The following DAB1 variants were observed in gnomAD, a reference collection of about 807,000 sequenced individuals.
The protein encoded by DAB1 is disabled homolog 1.
In DAB1, 15 loss-of-function variants were observed where a neutral mutation model predicts 64.6. The observed-to-expected ratio is 0.23, with a 90% CI of 0.16 to 0.36. The LOEUF is 0.36. Ranked by LOEUF, DAB1 falls within the 10% of genes least tolerant of loss-of-function variation. The pLI is 1.00. For missense variants in DAB1, 596 were observed against 706.7 expected (o/e 0.84, Z 1.78); for synonymous variants, 235 against 251.9 (o/e 0.93, Z 0.64).
At chr1:57,116,124 C>T (rs17115064) in intron 4 of DAB1, among the ~76,000 whole-genome samples, 3,257 of 152,174 alleles carry the variant, frequency 0.021, 129 homozygotes, top group African/African-American at 0.075. Context: ...TGGGGACACG[C>T]TTCTCATCTT....
intron 4 of DAB1, among the ~76,000 whole-genome samples, chr1:58,247,510 G>A (rs1024011382): frequency 2.0e-5 from 3 of 152,098 alleles, no homozygotes; most frequent in African/African-American, 7.2e-5. Flanking sequence ...GGAGTCTCCA[G>A]TCATGGATGA....
chr1:58,269,093 C>A (rs1661247586), intron 4 of DAB1, among the ~76,000 whole-genome samples: 1 of 150,584 alleles, frequency 6.6e-6, no homozygotes, highest in Non-Finnish European at 1.5e-5. Context: ...ATACATGTGC[C>A]ATGCTGGTGC....
intron 1 of DAB1, among the ~76,000 whole-genome samples, chr1:57,870,757 T>C (rs1291463413): frequency 6.6e-6 from 1 of 152,054 alleles, no homozygotes; most frequent in Admixed American, 6.6e-5. Context: ...TAATCTGGAA[T>C]GAATGGGGAA....
At chr1:57,206,465 C>T (rs1020949858) in intron 2 of DAB1, among the ~76,000 whole-genome samples, 1 of 152,202 alleles carries the variant, frequency 6.6e-6, no homozygotes, top group African/African-American at 2.4e-5. Context: ...TGACCTAACA[C>T]CACTGGGCTT....
At chr1:58,189,085 A>C (rs1173298618) in intron 4 of DAB1, among the ~76,000 whole-genome samples, 1 of 152,192 alleles carries the variant, frequency 6.6e-6, no homozygotes. Flanking sequence ...GCATTTTAGC[A>C]CAAAATTAAC....
At chr1:57,780,556 T>C (rs146033755) in intron 6 of DAB1, among the ~76,000 whole-genome samples, 394 of 150,476 alleles carry the variant, frequency 2.6e-3, no homozygotes, top group African/African-American at 8.5e-3. Flanking sequence ...TGTTAAAACA[T>C]AGACAATTTT....
chr1:57,963,425 T>C (rs1337871927), intron 5 of DAB1, among the ~76,000 whole-genome samples: 1 of 152,190 alleles, frequency 6.6e-6, no homozygotes, highest in Non-Finnish European at 1.5e-5. Context: ...GATCATTGCA[T>C]TTACCAATCA....
At chr1:58,119,204 A>C (rs1652580015) in intron 5 of DAB1, among the ~76,000 whole-genome samples, 2 of 141,010 alleles carry the variant, frequency 1.4e-5, no homozygotes. Flanking sequence ...AGCTCTGAAA[A>C]TCAAATATTG....
At chr1:57,606,233 T>C in intron 7 of DAB1, 1 of 127,582 alleles carries the variant, frequency 7.8e-6, no homozygotes, top group Non-Finnish European at 1.8e-5. Flanking sequence ...CCTGATCAAC[T>C]TGTTCCTCAG....
intron 7 of DAB1, among the ~76,000 whole-genome samples, chr1:57,642,672 G>A (rs1646144403): frequency 6.6e-6 from 1 of 152,180 alleles, no homozygotes; most frequent in South Asian, 2.1e-4. Flanking sequence ...TCTTCACACA[G>A]GCAGACCTTC....
chr1:57,053,419 T>C (rs993387949), intron 9 of DAB1, among the ~76,000 whole-genome samples: 2 of 151,772 alleles, frequency 1.3e-5, no homozygotes, highest in Non-Finnish European at 2.9e-5. Context: ...GGCTAATTGT[T>C]TTATTTTTTG....
intron 7 of DAB1, among the ~76,000 whole-genome samples, chr1:57,565,401 A>G (rs1645105941): frequency 6.6e-6 from 1 of 152,220 alleles, no homozygotes; most frequent in African/African-American, 2.4e-5. Flanking sequence ...TCATAACGAC[A>G]GGATCAAATT....
chr1:58,260,376 T>G (rs1165060821), intron 4 of DAB1, among the ~76,000 whole-genome samples: 1 of 152,280 alleles, frequency 6.6e-6, no homozygotes, highest in East Asian at 1.9e-4. Flanking sequence ...TTGAAGGTGA[T>G]CCTGTCTGCC....
chr1:57,182,110 C>A (rs935797004), intron 2 of DAB1, among the ~76,000 whole-genome samples: 6 of 152,152 alleles, frequency 3.9e-5, no homozygotes, highest in Non-Finnish European at 7.4e-5. Context: ...TAGTCTCGAT[C>A]TCCTGACCTT....
At chr1:58,121,805 A>G (rs1652753154) in intron 5 of DAB1, among the ~76,000 whole-genome samples, 3 of 152,180 alleles carry the variant, frequency 2.0e-5, no homozygotes, top group Non-Finnish European at 4.4e-5. Flanking sequence ...ATACATATAT[A>G]TATATTTCAA....
intron 14 of DAB1, among the ~76,000 whole-genome samples, chr1:57,010,187 A>C (rs1423359041): frequency 6.6e-6 from 1 of 152,144 alleles, no homozygotes; most frequent in Non-Finnish European, 1.5e-5. Flanking sequence ...ATTTTGCTTA[A>C]AAGATTAAAG....
chr1:57,613,988 A>G (rs1645759382), intron 7 of DAB1, among the ~76,000 whole-genome samples: 1 of 152,332 alleles, frequency 6.6e-6, no homozygotes, highest in Admixed American at 6.5e-5. Context: ...GTATATCGGT[A>G]GCAGGAAATG....
chr1:57,637,430 G>C (rs930533553), intron 7 of DAB1, among the ~76,000 whole-genome samples: 1 of 152,198 alleles, frequency 6.6e-6, no homozygotes, highest in African/African-American at 2.4e-5. Context: ...TCCCAGAGGA[G>C]GCACCAGCTG....
chr1:58,486,183 G>T (rs1158284937), intron 3 of DAB1, among the ~76,000 whole-genome samples: 2 of 152,176 alleles, frequency 1.3e-5, no homozygotes, highest in African/African-American at 4.8e-5. Flanking sequence ...CAAAGAGAGG[G>T]GGACAAGGCA....
Sources: allele counts gnomAD v4.1 joint callset (sites outside exome capture counted in the v4.1 genomes callset), GRCh38; gene constraint gnomAD v4.1.1; transcripts MANE v1.5; gene names NCBI Gene and HGNC (gene_info 2026-07-23, HGNC 2026-07-21).